KLHL2: variants seen among roughly 807,000 people sequenced by gnomAD.
KLHL2 encodes the protein kelch like family member 2.
In KLHL2, 15 loss-of-function variants were observed where a neutral mutation model predicts 75.8. The observed-to-expected ratio is 0.20, with a 90% CI of 0.13 to 0.30. KLHL2 has a LOEUF of 0.30. Ranked by LOEUF, KLHL2 falls within the 10% of genes least tolerant of loss-of-function variation. The pLI is 1.00. For synonymous variants in KLHL2, 214 were observed against 251.9 expected, an observed-to-expected ratio of 0.85 and a Z score of 1.42; for missense variants, 381 against 741.0, an observed-to-expected ratio of 0.51 and a Z score of 5.64.
rs890483825 is a variant in KLHL2, at chr4:165,218,205, CT to C, written c.27-1726del. Among the ~76,000 whole-genome samples, 98 of 152,102 alleles carry C rather than the reference CT, an allele frequency of 6.4e-4. 1 individual carries two copies. Among genetic ancestry groups the C allele is most frequent in the Non-Finnish European group, 1.6e-4 (11 of 68,022 alleles). ...GTTCTCAACCAGCAGCCAAAGTGGT[CT>C]TTGGAAAACGTAAGTCGGATTGTAT... On this transcript the variant is annotated intron_variant, in intron 1 of 14. Coordinates refer to ENST00000226725, the MANE Select transcript of KLHL2 (RefSeq NM_007246.4).
At chr4:165,271,678 C>G (rs532066800) in intron 5 of KLHL2, among the ~76,000 whole-genome samples, 2 of 152,258 alleles carry the variant, frequency 1.3e-5, no homozygotes, top group South Asian at 2.1e-4. Flanking sequence ...CTGGGACTTA[C>G]GGAAGTTGCT....
chr4:165,277,839 G>T (rs768273002), intron 5 of KLHL2: 22 of 743,626 alleles, frequency 3.0e-5, no homozygotes, highest in Middle Eastern at 7.5e-4. Context: ...TTAAGCCACA[G>T]GTCTACTTGG....
chr4:165,311,787 C>T (rs767576826), intron 11 of KLHL2, among the ~76,000 whole-genome samples: 8 of 148,980 alleles, frequency 5.4e-5, no homozygotes, highest in Admixed American at 4.1e-4. Context: ...ATCCCCCTCC[C>T]TTTATCCCTC....
chr4:165,246,270 A>G lies in KLHL2; in HGVS notation c.381+7371A>G, dbSNP rs535262964. Among the ~76,000 whole-genome samples, 397 of 152,278 alleles carry G rather than the reference A, an allele frequency of 2.6e-3. 4 individuals carry two copies. The highest frequency in any genetic ancestry group is 8.6e-3 in the African/African-American group (356 of 41,546). On this transcript the variant is annotated intron_variant, in intron 4 of 14. Transcript: ENST00000226725. ...TATTATTTGAGCAGAGTAAATGATG[A>G]GAGAGTGGAGAAAGATGAGATTAGA... is the stretch of plus-strand genomic sequence containing the variant.
chr4:165,212,371 GGA>G lies in KLHL2; in HGVS notation c.26+4476_26+4477del, dbSNP rs1253868261. On this transcript the variant is annotated intron_variant, in intron 1 of 14. Transcript: ENST00000226725. Reference sequence around the variant, plus strand: ...ATCCAGAGGGGGAATAGCATTCCAGGGAGAGAGAATAGCAAGCACAAAGGCAT... The same window carrying G: ...ATCCAGAGGGGGAATAGCATTCCAGGGAGAGAATAGCAAGCACAAAGGCAT... 2.0e-5 allele frequency among the ~76,000 whole-genome samples: 3 copies of G among 152,234 alleles called. No individual in the cohort carries two copies. The East Asian group carries it at 5.8e-4, about 29-fold the overall frequency.
In KLHL2 at chr4:165,248,200, T is replaced by C. The variant is rs185678663; in HGVS notation, c.381+9301T>C. ...TGAGAAAGAGTGGAGGAGGAAGTGG[T>C]AGTTGGAACTCAGGAAACCGAGATG... On this transcript the variant is annotated intron_variant, in intron 4 of 14. Transcript: ENST00000226725. 4.6e-3 allele frequency among the ~76,000 whole-genome samples: 704 copies of C among 152,164 alleles called. 3 individuals are homozygous for C. Among genetic ancestry groups the C allele is most frequent in the Admixed American group, 7.7e-3 (118 of 15,288 alleles).
At chr4:165,218,967 A>G (rs1269597066) in intron 1 of KLHL2, among the ~76,000 whole-genome samples, 4 of 152,196 alleles carry the variant, frequency 2.6e-5, no homozygotes, top group African/African-American at 9.7e-5. Flanking sequence ...ACCCATTATA[A>G]TTGTGCAATC....
chr4:165,257,999 A>G (rs1237654110), intron 4 of KLHL2, among the ~76,000 whole-genome samples: 1 of 152,120 alleles, frequency 6.6e-6, no homozygotes, highest in Non-Finnish European at 1.5e-5. Context: ...GATGGCACAC[A>G]GATAAACTGA....
At chr4:165,244,461 A>C (rs1421397876) in intron 4 of KLHL2, among the ~76,000 whole-genome samples, 1 of 152,204 alleles carries the variant, frequency 6.6e-6, no homozygotes, top group African/African-American at 2.4e-5. Flanking sequence ...ATTTTGGTGA[A>C]GAGTGCTTTT....
intron 9 of KLHL2, among the ~76,000 whole-genome samples, chr4:165,308,081 C>T (rs989353287): frequency 1.3e-5 from 2 of 152,258 alleles, no homozygotes; most frequent in Middle Eastern, 3.4e-3. Context: ...ATTTTAGTTA[C>T]TGAGCTTTAT....
chr4:165,209,945 C>T (rs542932225), intron 1 of KLHL2: 42 of 1,375,024 alleles, frequency 3.1e-5, no homozygotes, highest in Non-Finnish European at 4.0e-5. Flanking sequence ...ATTAACATCC[C>T]TCCACCATGG....
intron 1 of KLHL2, among the ~76,000 whole-genome samples, chr4:165,214,181 A>G (rs573796936): frequency 2.0e-5 from 3 of 152,126 alleles, no homozygotes; most frequent in Non-Finnish European, 4.4e-5. Flanking sequence ...TGAATTGCGG[A>G]GTCGTATTGC....
intron 10 of KLHL2, 148 bp downstream of exon 10, chr4:165,310,898 A>G: frequency 1.6e-6 from 1 of 628,366 alleles, no homozygotes; most frequent in Non-Finnish European, 2.7e-6. Flanking sequence ...TCCGTCGCCC[A>G]GGCTGGAGTA....
chr4:165,215,906 T>C (rs1380685238), intron 1 of KLHL2, among the ~76,000 whole-genome samples: 4 of 152,144 alleles, frequency 2.6e-5, no homozygotes, highest in Non-Finnish European at 4.4e-5. Flanking sequence ...CATGTATGTA[T>C]AGCTAATTCT....
intron 5 of KLHL2, among the ~76,000 whole-genome samples, chr4:165,270,786 C>A (rs576189560): frequency 2.6e-5 from 4 of 152,294 alleles, no homozygotes; most frequent in African/African-American, 9.6e-5. Flanking sequence ...GTCAGGGACC[C>A]ACTTGAGGAG....
intron 3 of KLHL2, among the ~76,000 whole-genome samples, chr4:165,230,421 A>G (rs1738790411): frequency 6.6e-6 from 1 of 152,196 alleles, no homozygotes; most frequent in African/African-American, 2.4e-5. Flanking sequence ...ATGAGATCAT[A>G]TGTGTGAATT....
At chr4:165,232,219 T>G (rs933184792) in intron 3 of KLHL2, among the ~76,000 whole-genome samples, 4 of 151,622 alleles carry the variant, frequency 2.6e-5, no homozygotes, top group African/African-American at 9.7e-5. Flanking sequence ...GTCAGGAGAT[T>G]GAGACCATCC....
intron 5 of KLHL2, among the ~76,000 whole-genome samples, chr4:165,290,113 A>C (rs1744395946): frequency 6.6e-6 from 1 of 152,110 alleles, no homozygotes; most frequent in African/African-American, 2.4e-5. Context: ...TTTTCATTAA[A>C]ATGAATTTAT....
At chr4:165,321,672 T>A (rs1746993310) in intron 14 of KLHL2, among the ~76,000 whole-genome samples, 1 of 152,200 alleles carries the variant, frequency 6.6e-6, no homozygotes, top group Non-Finnish European at 1.5e-5. Flanking sequence ...TATAATTTTA[T>A]TACTTTTGAC....
Sources: gnomAD v4.1 joint callset for allele counts (sites outside exome capture counted in the v4.1 genomes callset) on GRCh38, gnomAD v4.1.1 for gene constraint, MANE v1.5 for transcripts, NCBI Gene and HGNC (gene_info 2026-07-23, HGNC 2026-07-21) for gene names.